The following PEX5L variants were observed in gnomAD, a reference collection of about 807,000 sequenced individuals.
The protein encoded by PEX5L is PEX5-related protein.
Under a neutral mutation model 84.0 loss-of-function variants are expected in PEX5L, and 30 were observed. The observed-to-expected ratio is 0.36, with a 90% CI of 0.27 to 0.48. The LOEUF is 0.48. Ranked by LOEUF, PEX5L falls within the 20% of genes least tolerant of loss-of-function variation. The probability of loss-of-function intolerance (pLI) is 0.99; values close to 1 mark genes in which losing one functional copy is unlikely to be tolerated. For missense variants in PEX5L, 533 were observed against 754.6 expected (o/e 0.71, Z 3.44); for synonymous variants, 270 against 283.1 (o/e 0.95, Z 0.46).
At chr3:179,951,799 A>G (rs755158782) in intron 2 of PEX5L, among the ~76,000 whole-genome samples, 3 of 152,210 alleles carry the variant, frequency 2.0e-5, no homozygotes, top group Non-Finnish European at 4.4e-5. Flanking sequence ...AAGAGGAGCA[A>G]TGTTCATGCC....
At chr3:179,946,208 A>G (rs1777501745) in intron 2 of PEX5L, among the ~76,000 whole-genome samples, 1 of 152,168 alleles carries the variant, frequency 6.6e-6, no homozygotes, top group African/African-American at 2.4e-5. Flanking sequence ...TGAAATCAGA[A>G]TAATCTTGAG....
At chr3:180,005,742 T>A (rs564826240) in intron 1 of PEX5L, among the ~76,000 whole-genome samples, 1,533 of 145,568 alleles carry the variant, frequency 0.011, 38 homozygotes, top group South Asian at 0.077. Flanking sequence ...AAAAAAAAAA[T>A]TATTTTTGTA....
intron 1 of PEX5L, among the ~76,000 whole-genome samples, chr3:180,018,415 G>A (rs1012141319): frequency 2.6e-5 from 4 of 152,096 alleles, no homozygotes; most frequent in Non-Finnish European, 4.4e-5. Flanking sequence ...ACCACTAACC[G>A]GCTGATGACA....
At chr3:179,950,996 C>T (rs1377748129) in intron 2 of PEX5L, among the ~76,000 whole-genome samples, 1 of 152,202 alleles carries the variant, frequency 6.6e-6, no homozygotes, top group Non-Finnish European at 1.5e-5. Context: ...GTAAGTCCTG[C>T]TGGCCTTTTC....
chr3:180,008,269 C>T (rs1428861872), intron 1 of PEX5L, among the ~76,000 whole-genome samples: 1 of 152,222 alleles, frequency 6.6e-6, no homozygotes, highest in Non-Finnish European at 1.5e-5. Context: ...CATAACAAGA[C>T]TCATCTTTAC....
chr3:179,947,708 T>A (rs913697533), intron 2 of PEX5L, among the ~76,000 whole-genome samples: 7 of 90,182 alleles, frequency 7.8e-5, no homozygotes, highest in African/African-American at 3.0e-4. Context: ...TCAAAAAAGT[T>A]ACTTTTTTTT....
At chr3:179,971,442 A>T in intron 2 of PEX5L, 152 bp downstream of exon 2, 1 of 1,124,986 alleles carries the variant, frequency 8.9e-7, no homozygotes. Flanking sequence ...GAGGCATCAT[A>T]TGGAGCGGCT....
chr3:179,804,825 AT>A (rs1409271978), intron 14 of PEX5L, among the ~76,000 whole-genome samples: 7 of 152,260 alleles, frequency 4.6e-5, no homozygotes, highest in African/African-American at 1.4e-4. Flanking sequence ...TTTAAGATTT[AT>A]GTCTCTCTCT....
rs151295656 is a variant in PEX5L at position 179,991,506 on chromosome 3, CT to C, written c.22-19842del. ...CTGAGCTGCCCAAGGTCTCAGCATC[CT>C]TTTTTTTCCCCCTCTACTCATCTCT... On this transcript the variant is annotated intron_variant, in intron 1 of 14. Transcript: ENST00000467460. Among the ~76,000 whole-genome samples, 42 of 152,148 alleles carry C rather than the reference CT, an allele frequency of 2.8e-4. 1 individual carries two copies. The East Asian group carries it at 3.7e-3, about 13-fold the overall frequency.
intron 1 of PEX5L, among the ~76,000 whole-genome samples, chr3:179,991,124 C>G (rs1449888180): frequency 6.6e-6 from 1 of 152,178 alleles, no homozygotes; most frequent in Non-Finnish European, 1.5e-5. Context: ...TGGCAGCCTG[C>G]TTCCTCACCT....
intron 2 of PEX5L, among the ~76,000 whole-genome samples, chr3:179,954,431 G>A (rs201239407): frequency 1.3e-5 from 2 of 152,192 alleles, no homozygotes; most frequent in Admixed American, 6.5e-5. Context: ...GCCCTATTCC[G>A]TGATTCAGTA....
At chr3:180,015,242 T>C (rs1579352980) in intron 1 of PEX5L, among the ~76,000 whole-genome samples, 1 of 152,196 alleles carries the variant, frequency 6.6e-6, no homozygotes, top group Admixed American at 6.5e-5. Flanking sequence ...CTGCTAACAT[T>C]TGATGAATGT....
At chr3:179,982,981 T>C (rs1786472438) in intron 1 of PEX5L, among the ~76,000 whole-genome samples, 1 of 152,008 alleles carries the variant, frequency 6.6e-6, no homozygotes, top group Non-Finnish European at 1.5e-5. Context: ...ACATTGTAGG[T>C]ATTTAGTAAG....
chr3:179,830,100 C>G (rs1281683956), intron 8 of PEX5L, among the ~76,000 whole-genome samples: 1 of 151,774 alleles, frequency 6.6e-6, no homozygotes, highest in Non-Finnish European at 1.5e-5. Flanking sequence ...CGGCCTTAAA[C>G]TTGCTATATC....
At chr3:179,907,293 CAAG>C (rs1166412735) in intron 2 of PEX5L, among the ~76,000 whole-genome samples, 1 of 151,752 alleles carries the variant, frequency 6.6e-6, no homozygotes, top group Non-Finnish European at 1.5e-5. Flanking sequence ...TATCTTGGAG[CAAG>C]AAGATTAAAT....
intron 14 of PEX5L, among the ~76,000 whole-genome samples, chr3:179,805,384 A>C (rs1415368230): frequency 1.3e-5 from 2 of 152,126 alleles, no homozygotes; most frequent in Non-Finnish European, 2.9e-5. Context: ...AACCCCTGAG[A>C]ATACCAAAAT....
intron 1 of PEX5L, among the ~76,000 whole-genome samples, chr3:179,988,535 A>G (rs2110360088): frequency 6.6e-6 from 1 of 152,340 alleles, no homozygotes; most frequent in Admixed American, 6.5e-5. Context: ...ACCAGCTGTT[A>G]TGTACACTTC....
At chr3:179,802,082 G>A in intron 14 of PEX5L, 50 bp from the exon 15 acceptor site, 1 of 1,329,320 alleles carries the variant, frequency 7.5e-7, no homozygotes, top group Non-Finnish European at 1.1e-6. Flanking sequence ...TTCAGAGTTA[G>A]CAAATGTAAA....
At position 179,807,686 on chromosome 3, in the gene PEX5L, A is replaced by G; in HGVS notation, c.1664T>C (p.Leu555Pro). 6.2e-7 allele frequency: 1 copy of G among 1,614,082 alleles called. No homozygotes were observed. Among genetic ancestry groups the G allele is most frequent in the Non-Finnish European group, 8.5e-7 (1 of 1,179,976 alleles). The change falls in exon 14 of 15, where the codon CTG becomes CCG. Residue 555 changes from leucine (L) to proline (P), a missense_variant. This residue lies in a region of PEX5L where 105 missense variants were observed against 204.6 expected (regional missense o/e 0.51). Coordinates refer to ENST00000467460, the MANE Select transcript of PEX5L (RefSeq NM_016559.3). Reference sequence around the variant, plus strand: ...TGCTGTACTTCACCTGTAGGCGCCCAGGTTGATGCAGCTTATTCCTAGGTT... The same window carrying G: ...TGCTGTACTTCACCTGTAGGCGCCCGGGTTGATGCAGCTTATTCCTAGGTT... ...RYNLGISCIN[L>P]GAYREAVSNF...
Sources: allele counts gnomAD v4.1 joint callset (sites outside exome capture counted in the v4.1 genomes callset), GRCh38; gene constraint gnomAD v4.1.1; regional missense constraint gnomAD v4.1.1; transcripts MANE v1.5; gene names NCBI Gene and HGNC (gene_info 2026-07-23, HGNC 2026-07-21).